TENM2: variants seen among roughly 807,000 people sequenced by gnomAD.
TENM2 encodes teneurin-2.
TENM2 carries 52 observed loss-of-function variants against 245.2 expected under a neutral mutation model. The observed-to-expected ratio is 0.21, with a 90% CI of 0.17 to 0.27. TENM2 has a LOEUF of 0.27. Ranked by LOEUF, TENM2 falls within the 10% of genes least tolerant of loss-of-function variation. TENM2 has a pLI of 1.00. For synonymous variants in TENM2, 1,363 were observed against 1,438.9 expected (o/e 0.95, Z 1.19); for missense variants, 3,046 against 3,666.8 (o/e 0.83, Z 4.37).
the TENM2 span, among the ~76,000 whole-genome samples, chr5:167,068,738 G>T: frequency 2.0e-5 from 3 of 152,146 alleles, no homozygotes; most frequent in African/African-American, 4.8e-5. Context: ...TCAAATAAAT[G>T]AGTGAATAAT....
chr5:167,262,897 A>T, the TENM2 span, among the ~76,000 whole-genome samples: 4 of 152,166 alleles, frequency 2.6e-5, no homozygotes, highest in Admixed American at 2.6e-4. Flanking sequence ...GGGGCTGAGA[A>T]GTCCAAGATC....
At chr5:167,096,205 A>G in the TENM2 span, among the ~76,000 whole-genome samples, 1 of 152,230 alleles carries the variant, frequency 6.6e-6, no homozygotes, top group South Asian at 2.1e-4. Context: ...ATGGAATAAA[A>G]TAAAATCAAG....
At chr5:167,678,085 A>G (rs539198457) in intron 2 of TENM2, among the ~76,000 whole-genome samples, 8 of 152,194 alleles carry the variant, frequency 5.3e-5, no homozygotes, top group Admixed American at 5.2e-4. Context: ...TGTTTCTGTT[A>G]TGCACAAGAA....
chr5:167,355,785 G>A (rs987738656), intron 1 of TENM2, among the ~76,000 whole-genome samples: 2 of 151,834 alleles, frequency 1.3e-5, no homozygotes, highest in African/African-American at 4.8e-5. Context: ...GGATTTAATT[G>A]CCCGTCATTC....
the TENM2 span, among the ~76,000 whole-genome samples, chr5:167,213,348 T>C: frequency 3.3e-5 from 5 of 152,214 alleles, no homozygotes; most frequent in East Asian, 9.6e-4. Flanking sequence ...GATGGGTGTC[T>C]GGTGGGGGCT....
chr5:167,834,052 A>C (rs901199187), intron 2 of TENM2, among the ~76,000 whole-genome samples: 1 of 151,994 alleles, frequency 6.6e-6, no homozygotes, highest in Non-Finnish European at 1.5e-5. Flanking sequence ...TCAGGCAAGG[A>C]CCTTGCTTTT....
chr5:168,028,358 A>C (rs1389291510), intron 5 of TENM2, among the ~76,000 whole-genome samples: 1 of 152,166 alleles, frequency 6.6e-6, no homozygotes, highest in African/African-American at 2.4e-5. Context: ...CACTTTGTGG[A>C]AAGTGTAGAG....
chr5:167,770,435 A>G (rs1014422371), intron 2 of TENM2, among the ~76,000 whole-genome samples: 2 of 152,182 alleles, frequency 1.3e-5, no homozygotes, highest in African/African-American at 4.8e-5. Flanking sequence ...CAGTCCACCT[A>G]AGCAATGTTA....
intron 4 of TENM2, among the ~76,000 whole-genome samples, chr5:167,969,936 AG>A (rs1234750437): frequency 6.6e-6 from 1 of 152,204 alleles, no homozygotes. Flanking sequence ...GAGAGGAAGG[AG>A]TGTGGCCCAT....
At chr5:168,052,514 G>A (rs544309414) in intron 6 of TENM2, among the ~76,000 whole-genome samples, 13 of 151,570 alleles carry the variant, frequency 8.6e-5, no homozygotes, top group East Asian at 1.9e-4. Context: ...AGGTGAAGAC[G>A]GCCTTCAGAA....
chr5:168,189,095 C>T (rs1760727667), intron 13 of TENM2, among the ~76,000 whole-genome samples: 1 of 152,180 alleles, frequency 6.6e-6, no homozygotes, highest in Admixed American at 6.5e-5. Context: ...AGAAAGAGTA[C>T]TGAAGTGCTC....
the TENM2 span, among the ~76,000 whole-genome samples, chr5:167,237,468 C>T: frequency 6.6e-6 from 1 of 152,114 alleles, no homozygotes; most frequent in Non-Finnish European, 1.5e-5. Flanking sequence ...CCAAAACTTC[C>T]ATGGTGTCAT....
the TENM2 span, among the ~76,000 whole-genome samples, chr5:166,996,269 G>C: frequency 6.6e-6 from 1 of 152,158 alleles, no homozygotes; most frequent in Admixed American, 6.5e-5. Flanking sequence ...CGTGAACCCG[G>C]GAGGCGGAGC....
At chr5:167,676,634 G>A (rs1756349262) in intron 2 of TENM2, among the ~76,000 whole-genome samples, 1 of 152,140 alleles carries the variant, frequency 6.6e-6, no homozygotes, top group Admixed American at 6.6e-5. Flanking sequence ...ACTTCCTGGA[G>A]AAAGAGTGTG....
At chr5:167,665,007 A>G (rs1029302111) in intron 2 of TENM2, among the ~76,000 whole-genome samples, 1 of 152,246 alleles carries the variant, frequency 6.6e-6, no homozygotes, top group African/African-American at 2.4e-5. Context: ...TTCAAGTATC[A>G]TAAATCTTGT....
At chr5:168,223,283 G>A (rs1201353274) in intron 23 of TENM2, among the ~76,000 whole-genome samples, 1 of 152,096 alleles carries the variant, frequency 6.6e-6, no homozygotes, top group Admixed American at 6.5e-5. Context: ...AACTACAGTG[G>A]ATTGGAATTA....
chr5:167,610,824 G>A (rs1437764661), intron 2 of TENM2, among the ~76,000 whole-genome samples: 1 of 152,136 alleles, frequency 6.6e-6, no homozygotes, highest in Non-Finnish European at 1.5e-5. Flanking sequence ...TATGATCTGT[G>A]ATTGGCTCTT....
intron 2 of TENM2, among the ~76,000 whole-genome samples, chr5:167,403,001 A>T (rs1465710962): frequency 6.6e-6 from 1 of 152,230 alleles, no homozygotes; most frequent in South Asian, 2.1e-4. Context: ...AAAGCTCCAA[A>T]CTGTGCAGCT....
chr5:167,598,348 A>G (rs1239405921), intron 2 of TENM2, among the ~76,000 whole-genome samples: 1 of 152,192 alleles, frequency 6.6e-6, no homozygotes, highest in Non-Finnish European at 1.5e-5. Flanking sequence ...TGAGATGTGT[A>G]GCAAGTCGGT....
Sources: allele counts gnomAD v4.1 joint callset (sites outside exome capture counted in the v4.1 genomes callset), GRCh38; gene constraint gnomAD v4.1.1; transcripts MANE v1.5; gene names NCBI Gene and HGNC (gene_info 2026-07-23, HGNC 2026-07-21).